The following IGHMBP2 variants were observed in gnomAD, a reference collection of about 807,000 sequenced individuals.
IGHMBP2 encodes immunoglobulin mu DNA binding protein 2.
In IGHMBP2, 81 loss-of-function variants were observed where a neutral mutation model predicts 96.0. The observed-to-expected ratio is 0.84, with a 90% CI of 0.71 to 1.01. The LOEUF (loss-of-function observed/expected upper bound fraction) is 1.01, where lower values mean the gene tolerates loss of function less well. Among genes scored for constraint, IGHMBP2 ranks in the 50% least tolerant of loss-of-function variants. IGHMBP2 has a pLI of 0.00. For missense variants in IGHMBP2, 1,227 were observed against 1,306.3 expected, an observed-to-expected ratio of 0.94 and a Z score of 0.94; for synonymous variants, 557 against 548.9, an observed-to-expected ratio of 1.01 and a Z score of -0.21.
In IGHMBP2 at chr11:68,934,167, T is replaced by C. The variant is rs1016765321; in HGVS notation, c.1537+254T>C. On this transcript the variant is annotated intron_variant, in intron 10 of 14. Coordinates refer to ENST00000255078, the MANE Select transcript of IGHMBP2 (RefSeq NM_002180.3). Reference sequence around the variant, plus strand: ...GAATGGTGGCCCAGCTCTGCCTGGCTGGTCTGGTGATGGGAACTGTCATTG... The same window carrying C: ...GAATGGTGGCCCAGCTCTGCCTGGCCGGTCTGGTGATGGGAACTGTCATTG... 6.6e-6 allele frequency: 4 copies of C among 610,074 alleles called. No homozygotes were observed. The African/African-American group carries it at 7.4e-5, about 11-fold the overall frequency. 37.8% of individuals were successfully genotyped at this position (610,074 alleles called of 1,614,324 possible). A position where few individuals can be genotyped will look rare whatever the true frequency, so the allele number is the denominator to read the frequency against.
chr11:68,923,924 T>C lies in IGHMBP2; in HGVS notation c.1061-5259T>C, dbSNP rs1221930110. Among the ~76,000 whole-genome samples, 6 of 152,178 alleles carry C rather than the reference T, an allele frequency of 3.9e-5. No individual in the cohort carries two copies. The East Asian group carries it at 1.2e-3, about 29-fold the overall frequency. ...TCTGCCTGCATTGGTCGCCACAGAT[T>C]CTCAGCCTTGTCTCCTCAACTCAGG... On this transcript the variant is annotated intron_variant, in intron 7 of 14. Transcript: ENST00000255078.
intron 7 of IGHMBP2, among the ~76,000 whole-genome samples, chr11:68,926,689 T>C (rs1297298090): frequency 6.6e-6 from 1 of 152,256 alleles, no homozygotes; most frequent in Non-Finnish European, 1.5e-5. Flanking sequence ...TTGAACATAC[T>C]TAGAATCGCT....
intron 5 of IGHMBP2, 76 bp from the exon 6 acceptor site, chr11:68,914,747 C>T: frequency 6.8e-7 from 1 of 1,478,612 alleles, no homozygotes; most frequent in Non-Finnish European, 9.5e-7. Flanking sequence ...ACCTTTAAGG[C>T]TTTTTGTTGT....
At chr11:68,917,335 T>A (rs537325612) in intron 6 of IGHMBP2, among the ~76,000 whole-genome samples, 21 of 152,080 alleles carry the variant, frequency 1.4e-4, no homozygotes, top group African/African-American at 2.2e-4. Context: ...GTTGAAAAAA[T>A]TTTTTTTAAT....
chr11:68,928,520 C>A (rs1377291434), intron 7 of IGHMBP2, among the ~76,000 whole-genome samples: 1 of 152,236 alleles, frequency 6.6e-6, no homozygotes, highest in Non-Finnish European at 1.5e-5. Flanking sequence ...TTTATGGAAA[C>A]CTGCCTTCTC....
Position 68,939,536 on chromosome 11 carries a change from C to G in IGHMBP2, c.2787C>G (p.Ile929Met), listed in dbSNP as rs761854167. The G allele has an allele frequency of 1.5e-5, 24 of 1,611,750 alleles. No homozygotes were observed. Among genetic ancestry groups the G allele is most frequent in the African/African-American group, 4.0e-5 (3 of 74,890 alleles). Residue 929 changes from isoleucine (I) to methionine (M), a missense_variant and splice_region_variant, in exon 15 of 15, where the codon ATC (isoleucine) becomes ATG (methionine). Coordinates refer to ENST00000255078, the MANE Select transcript of IGHMBP2 (RefSeq NM_002180.3). Reference protein sequence around the residue: ...RYCLSHHLPEIHGCGERARAH... With the variant: ...RYCLSHHLPEMHGCGERARAH... Reference sequence around the variant, plus strand: ...AGTGATTCTTGTGTCCTCCCCAGATCCATGGCTGCGGTGAGAGGGCTCGCG... The same window carrying G: ...AGTGATTCTTGTGTCCTCCCCAGATGCATGGCTGCGGTGAGAGGGCTCGCG...
At chr11:68,934,866 C>A (rs1406292743) in intron 11 of IGHMBP2, among the ~76,000 whole-genome samples, 1 of 152,228 alleles carries the variant, frequency 6.6e-6, no homozygotes, top group Non-Finnish European at 1.5e-5. Context: ...GCAGCCCTGG[C>A]GGAACAGCCT....
chr11:68,924,214 A>G (rs1234229002), intron 7 of IGHMBP2, among the ~76,000 whole-genome samples: 1 of 152,164 alleles, frequency 6.6e-6, no homozygotes, highest in East Asian at 1.9e-4. Context: ...GCAGAGGTGG[A>G]GGACGCACAT....
Position 68,939,748 on chromosome 11 carries a change from A to G in IGHMBP2, c.*17A>G. The G allele has an allele frequency of 6.3e-7, 1 of 1,593,480 alleles. No homozygotes were observed. The highest frequency in any genetic ancestry group is 8.5e-7 in the Non-Finnish European group (1 of 1,171,000). ...GGGACGTGACCGGCCGCATCCTTGC[A>G]CGCCCCGCGGAGCTCTCTCCATGGT... On this transcript the variant is annotated 3_prime_UTR_variant, in exon 15 of 15. Coordinates refer to ENST00000255078, the MANE Select transcript of IGHMBP2 (RefSeq NM_002180.3).
chr11:68,905,591 C>T (rs993168775), intron 1 of IGHMBP2, among the ~76,000 whole-genome samples: 3 of 152,112 alleles, frequency 2.0e-5, no homozygotes, highest in African/African-American at 7.2e-5. Context: ...GGGCCATCAG[C>T]GGGGTTAAGC....
rs141587272 is a variant in IGHMBP2 at position 68,911,474 on chromosome 11, C to T, written c.582C>T (p.Thr194=). The change falls in exon 5 of 15, where the codon ACC becomes ACT. Residue 194 remains threonine, a synonymous_variant. Transcript: ENST00000255078. ...CATTCTTCAACACCTGCCTGGACAC[C>T]TCCCAGAAAGAAGCGGTTTTATTTG... ...PLTFFNTCLD[T]SQKEAVLFAL... is the part of the protein sequence containing the mutation. The T allele has an allele frequency of 6.2e-7, 1 of 1,614,146 alleles. No individual in the cohort carries two copies. Among genetic ancestry groups the T allele is most frequent in the Non-Finnish European group, 8.5e-7 (1 of 1,180,028 alleles).
chr11:68,910,637 A>C (rs1333720612), intron 4 of IGHMBP2, among the ~76,000 whole-genome samples: 1 of 152,170 alleles, frequency 6.6e-6, no homozygotes, highest in African/African-American at 2.4e-5. Flanking sequence ...TAGTCCCAGC[A>C]CTTTGGGAGG....
At chr11:68,911,360 C>T (rs555712317) in intron 4 of IGHMBP2, 80 bp from the exon 5 acceptor site, 40 of 1,451,444 alleles carry the variant, frequency 2.8e-5, no homozygotes, top group Middle Eastern at 2.4e-4. Context: ...ACTCATCCCC[C>T]GGGGCACACA....
At position 68,933,804 on chromosome 11, in the gene IGHMBP2, A is replaced by C. The variant is rs758501779; in HGVS notation, c.1428A>C (p.Pro476=). The change falls in exon 10 of 15, where the codon CCA becomes CCC. Residue 476 remains proline (P), a synonymous_variant. Transcript: ENST00000255078. ...TCTGCCTGTGTGCCAGGGACCTCCC[A>C]GGTGTGGCTGCCACAGAAGAGACGG... ...SVARHLLRDL[P]GVAATEETGV... is the part of the protein sequence containing the mutation. The C allele has an allele frequency of 6.2e-7, 1 of 1,611,108 alleles. No homozygotes were observed. The highest frequency in any genetic ancestry group is 8.5e-7 in the Non-Finnish European group (1 of 1,179,158).
At position 68,914,050 on chromosome 11, in the gene IGHMBP2, A is replaced by AG. The variant is rs201818774; in HGVS notation, c.712-773_712-772insG. Reference sequence around the variant, plus strand: ...GAAGAAATGTAGCAATGTGTAAAAAACAGGAACTAGGGAGGGCAAGGAGGC... The same window carrying AG: ...GAAGAAATGTAGCAATGTGTAAAAAAGCAGGAACTAGGGAGGGCAAGGAGGC... On this transcript the variant is annotated intron_variant, in intron 5 of 14. Transcript: ENST00000255078. 9.9e-3 allele frequency among the ~76,000 whole-genome samples: 1,501 copies of AG among 152,290 alleles called. 29 individuals are homozygous for AG. The highest frequency in any genetic ancestry group is 0.034 in the African/African-American group (1,425 of 41,560).
Position 68,936,761 on chromosome 11 carries a change from A to G in IGHMBP2, c.2281A>G (p.Ile761Val). The change falls in exon 13 of 15, where the codon ATA (isoleucine) becomes GTA (valine). Residue 761 changes from isoleucine (I) to valine (V), a missense_variant. By Grantham distance (29) the Ile-to-Val change is conservative. This residue lies in a region of IGHMBP2 where 703 missense variants were observed against 770.3 expected (regional missense o/e 0.91). Transcript: ENST00000255078. ...CCACGACAGGCTGCGGGTCCACCAAATAGCCGAGGAGCACGGGCTGAGGCA... is the reference window on the plus strand; with the variant it reads ...CCACGACAGGCTGCGGGTCCACCAAGTAGCCGAGGAGCACGGGCTGAGGCA... ...NSHDRLRVHQIAEEHGLRHDS... is the reference protein window; with the variant it reads ...NSHDRLRVHQVAEEHGLRHDS... 1.2e-6 allele frequency: 2 copies of G among 1,614,082 alleles called. No homozygotes were observed. The highest frequency in any genetic ancestry group is 8.5e-7 in the Non-Finnish European group (1 of 1,180,032).
At chr11:68,929,465 C>A in intron 8 of IGHMBP2, 108 bp downstream of exon 8, 1 of 1,041,574 alleles carries the variant, frequency 9.6e-7, no homozygotes. Context: ...GGTGCCTCCT[C>A]GGTTTCTCGG....
chr11:68,908,076 A>G, intron 2 of IGHMBP2, 69 bp from the exon 3 acceptor site: 7 of 1,217,236 alleles, frequency 5.8e-6, no homozygotes, highest in Admixed American at 1.7e-5. Context: ...AGTATAGTGG[A>G]TTTTATTACA....
Position 68,911,598 on chromosome 11 carries a change from T to G in IGHMBP2, c.706T>G (p.Leu236Val). ...EIILQAVKQG[L>V]KVLCCAPSNI... ...CATTCTTCAAGCTGTGAAACAAGGCTTAAAGGTGGGCAGTGCATGCCACTT... is the reference window on the plus strand; with the variant it reads ...CATTCTTCAAGCTGTGAAACAAGGCGTAAAGGTGGGCAGTGCATGCCACTT... Residue 236 changes from leucine (L) to valine (V), a missense_variant, in exon 5 of 15, where the codon TTA (leucine) becomes GTA (valine). Physicochemically the swap from Leu to Val is conservative, Grantham distance 32 (BLOSUM62 1). Transcript: ENST00000255078. 6.2e-7 allele frequency: 1 copy of G among 1,614,182 alleles called. No individual in the cohort carries two copies. Among genetic ancestry groups the G allele is most frequent in the Non-Finnish European group, 8.5e-7 (1 of 1,180,042 alleles).
Sources: gnomAD v4.1 joint callset for allele counts (sites outside exome capture counted in the v4.1 genomes callset) on GRCh38, gnomAD v4.1.1 for gene constraint, gnomAD v4.1.1 regional missense constraint, MANE v1.5 for transcripts, NCBI Gene and HGNC (gene_info 2026-07-23, HGNC 2026-07-21) for gene names.